Variants in TXNRD2 observed in about 807,000 individuals in gnomAD.
TXNRD2 encodes the protein thioredoxin reductase 2.
A neutral mutation model predicts 70.8 loss-of-function variants in TXNRD2; 67 were observed. That is an observed-to-expected ratio of 0.95 (90% CI 0.78 to 1.16). The LOEUF is 1.16. Among genes scored for constraint, TXNRD2 ranks in the 50% most tolerant of loss-of-function variants. The pLI is 0.00. For synonymous variants in TXNRD2, 301 were observed against 295.8 expected (o/e 1.02, Z -0.18); for missense variants, 644 against 719.9 (o/e 0.89, Z 1.21).
chr22:19,920,495 A>C (rs1940856828), intron 2 of TXNRD2, among the ~76,000 whole-genome samples: 1 of 152,144 alleles, frequency 6.6e-6, no homozygotes, highest in Admixed American at 6.5e-5. Context: ...AGGCAAGAGA[A>C]TCGTTTGAGC....
chr22:19,893,852 T>G (rs112147005), intron 11 of TXNRD2: 8 of 152,354 alleles, frequency 5.3e-5, no homozygotes, highest in Admixed American at 1.3e-4. Context: ...TGTGATGACC[T>G]GCCAGGCCCA....
At chr22:19,935,824 G>A (rs796836052) in intron 1 of TXNRD2, among the ~76,000 whole-genome samples, 3 of 152,190 alleles carry the variant, frequency 2.0e-5, no homozygotes, top group African/African-American at 4.8e-5. Context: ...GTGGGAACCC[G>A]ATTCCCTTTG....
At chr22:19,938,556 T>C (rs1469356946) in intron 1 of TXNRD2, among the ~76,000 whole-genome samples, 4 of 152,130 alleles carry the variant, frequency 2.6e-5, no homozygotes, top group Non-Finnish European at 1.5e-5. Flanking sequence ...CCCACTAACA[T>C]GAAACTAGAA....
At chr22:19,886,284 G>A (rs376507845) in intron 11 of TXNRD2, among the ~76,000 whole-genome samples, 8 of 152,250 alleles carry the variant, frequency 5.3e-5, no homozygotes, top group Admixed American at 2.0e-4. Flanking sequence ...GTCCCTAGCC[G>A]TGGCCAGCCC....
chr22:19,911,556 A>G (rs1940413077), intron 7 of TXNRD2, 109 bp from the exon 8 acceptor site: 1 of 833,786 alleles, frequency 1.2e-6, no homozygotes. Context: ...TTCCCAGGGC[A>G]CACATGCACA....
chr22:19,919,694 T>G, intron 2 of TXNRD2, 95 bp from the exon 3 acceptor site: 1 of 1,147,424 alleles, frequency 8.7e-7, no homozygotes, highest in Non-Finnish European at 1.2e-6. Flanking sequence ...CAGAAGAGTG[T>G]GGGCAGGGCC....
chr22:19,883,190 G>T, intron 12 of TXNRD2, 135 bp downstream of exon 12: 2 of 1,159,414 alleles, frequency 1.7e-6, no homozygotes, highest in Non-Finnish European at 1.2e-6. Context: ...GCTGGCCCTG[G>T]GGTTTGGCCC....
intron 2 of TXNRD2, among the ~76,000 whole-genome samples, chr22:19,928,120 A>G (rs1941220680): frequency 6.6e-6 from 1 of 151,996 alleles, no homozygotes; most frequent in Admixed American, 6.6e-5. Context: ...TTAATAAAAA[A>G]AAAAAACTTG....
Position 19,878,106 on chromosome 22 carries a change from A to G in TXNRD2, c.1429T>C (p.Phe477Leu). Residue 477 changes from phenylalanine (F) to leucine (L), a missense_variant, in exon 16 of 18, where the codon TTT (phenylalanine) becomes CTT (leucine). By Grantham distance (22) the Phe-to-Leu change is conservative. Coordinates refer to ENST00000400521, the MANE Select transcript of TXNRD2 (RefSeq NM_006440.5). ...GGGACTTACTTGATCCCCAGAGCAAATCCTTGAGTAACTTCGCCTGCGTTG... is the reference window on the plus strand; with the variant it reads ...GGGACTTACTTGATCCCCAGAGCAAGTCCTTGAGTAACTTCGCCTGCGTTG... ...GPNAGEVTQG[F>L]ALGIKCGASY... 1.2e-6 allele frequency: 2 copies of G among 1,613,500 alleles called. No homozygotes were observed. The highest frequency in any genetic ancestry group is 1.7e-4 in the Middle Eastern group (1 of 6,060).
At chr22:19,907,487 T>A (rs1940102670) in intron 8 of TXNRD2, among the ~76,000 whole-genome samples, 1 of 43,294 alleles carries the variant, frequency 2.3e-5, no homozygotes, top group Non-Finnish European at 4.3e-5. Context: ...CAGGAGAGTG[T>A]GGGTGCACCG....
chr22:19,899,709 T>C (rs1052217901), intron 8 of TXNRD2, among the ~76,000 whole-genome samples: 4 of 152,266 alleles, frequency 2.6e-5, no homozygotes, highest in African/African-American at 9.6e-5. Context: ...TGCATGCACA[T>C]GTACTCACGC....
intron 17 of TXNRD2, 132 bp downstream of exon 17, chr22:19,876,908 A>G: frequency 1.7e-6 from 1 of 591,474 alleles, no homozygotes; most frequent in Non-Finnish European, 2.7e-6. Flanking sequence ...GCCTGGTTAC[A>G]GGATGGAGCA....
chr22:19,922,255 A>G (rs920898224), intron 2 of TXNRD2, among the ~76,000 whole-genome samples: 1 of 152,188 alleles, frequency 6.6e-6, no homozygotes. Context: ...TAACTATTCC[A>G]TACTTTTTTA....
At chr22:19,901,628 G>A (rs997690528) in intron 8 of TXNRD2, among the ~76,000 whole-genome samples, 2 of 152,166 alleles carry the variant, frequency 1.3e-5, no homozygotes, top group Non-Finnish European at 2.9e-5. Context: ...ACTCCGTTCA[G>A]ACCAGCTAAA....
Position 19,898,116 on chromosome 22 carries a change from A to G in TXNRD2, c.697T>C (p.Cys233Arg). The G allele has an allele frequency of 6.4e-7, 1 of 1,563,480 alleles. No individual in the cohort carries two copies. The highest frequency in any genetic ancestry group is 8.7e-7 in the Non-Finnish European group (1 of 1,154,248). ...CCAATCCCGGTGAGGAAGCCAGCAC[A>G]CTCCAGGGCCACATCTGTGGGGTGC... is the stretch of plus-strand genomic sequence containing the variant. ...VVGASYVALE[C>R]AGFLTGIGLD... Residue 233 changes from cysteine (C) to arginine (R), a missense_variant, in exon 10 of 18, where the codon TGT becomes CGT. This residue lies in a region of TXNRD2 where 566 missense variants were observed against 645.0 expected (regional missense o/e 0.88). Coordinates refer to ENST00000400521, the MANE Select transcript of TXNRD2 (RefSeq NM_006440.5).
chr22:19,899,363 A>T (rs1032536115), intron 8 of TXNRD2, among the ~76,000 whole-genome samples: 1 of 152,220 alleles, frequency 6.6e-6, no homozygotes, highest in Non-Finnish European at 1.5e-5. Flanking sequence ...AGAGCAGCAC[A>T]TGGCTTTCCT....
At chr22:19,902,695 C>T (rs1207328483) in intron 8 of TXNRD2, among the ~76,000 whole-genome samples, 1 of 152,222 alleles carries the variant, frequency 6.6e-6, no homozygotes, top group Admixed American at 6.5e-5. Context: ...GAAAGCCCTA[C>T]CTTGTCATGT....
intron 1 of TXNRD2, among the ~76,000 whole-genome samples, chr22:19,934,172 T>C (rs1409778157): frequency 6.6e-6 from 1 of 152,124 alleles, no homozygotes; most frequent in African/African-American, 2.4e-5. Context: ...TCATTCTGGC[T>C]CCTGTTCAGG....
intron 11 of TXNRD2, among the ~76,000 whole-genome samples, chr22:19,886,593 T>C (rs1939044074): frequency 6.6e-6 from 1 of 152,276 alleles, no homozygotes; most frequent in South Asian, 2.1e-4. Flanking sequence ...CTCCCGACCA[T>C]TTCCCTCCTA....
Sources: allele counts gnomAD v4.1 joint callset (sites outside exome capture counted in the v4.1 genomes callset), GRCh38; gene constraint gnomAD v4.1.1; regional missense constraint gnomAD v4.1.1; transcripts MANE v1.5; gene names NCBI Gene and HGNC (gene_info 2026-07-23, HGNC 2026-07-21).